TENM3: variants seen among roughly 807,000 people sequenced by gnomAD.
The protein encoded by TENM3 is teneurin-3.
A neutral mutation model predicts 255.1 loss-of-function variants in TENM3; 63 were observed. The ratio of observed to expected loss-of-function variants is 0.25; its 90% CI spans 0.20 to 0.30. TENM3 has a LOEUF of 0.30. TENM3 is among the 10% of genes least tolerant of loss of function. TENM3 has a pLI of 1.00. For synonymous variants in TENM3, 1,306 were observed against 1,322.3 expected, an observed-to-expected ratio of 0.99 and a Z score of 0.27; for missense variants, 2,929 against 3,461.1, an observed-to-expected ratio of 0.85 and a Z score of 3.86.
rs199682582 is a variant in TENM3, at chr4:182,792,498, A to G, written c.5826A>G (p.Thr1942=). The change falls in exon 26 of 28, where the codon ACA becomes ACG. Residue 1942 remains threonine, a synonymous_variant. Coordinates refer to ENST00000511685, the MANE Select transcript of TENM3 (RefSeq NM_001080477.4). The surrounding 1 kb of genome is among the most constrained non-coding windows in gnomAD (Gnocchi z 6.3). Reference sequence around the variant, plus strand: ...TTCTACAAACAGCTTTCTTGGGTACAAGTCGGAGGGTCTTATTCAAATACA... The same window carrying G: ...TTCTACAAACAGCTTTCTTGGGTACGAGTCGGAGGGTCTTATTCAAATACA... ...GLLLQTAFLG[T]SRRVLFKYRR... The G allele has an allele frequency of 2.8e-4, 450 of 1,614,038 alleles. No homozygotes were observed. The East Asian group carries it at 9.3e-3, about 33-fold the overall frequency.
chr4:181,891,946 C>T, the TENM3 span, among the ~76,000 whole-genome samples: 11 of 152,122 alleles, frequency 7.2e-5, no homozygotes, highest in East Asian at 9.7e-4. Context: ...AGGTACCCTT[C>T]GAAAAGGACT....
chr4:182,047,252 C>A, the TENM3 span, among the ~76,000 whole-genome samples: 1 of 151,998 alleles, frequency 6.6e-6, no homozygotes, highest in Non-Finnish European at 1.5e-5. Context: ...ATAGAAAAAT[C>A]TCCATAAGTA....
At position 182,650,020 on chromosome 4, in the gene TENM3, A is replaced by T. The variant is rs1211632091; in HGVS notation, c.989-3751A>T. Among the ~76,000 whole-genome samples, 3 of 150,616 alleles carry T rather than the reference A, an allele frequency of 2.0e-5. 1 individual carries two copies. The highest frequency in any genetic ancestry group is 7.3e-5 in the African/African-American group (3 of 41,330). On this transcript the variant is annotated intron_variant, in intron 5 of 27. Transcript: ENST00000511685. ...AACTCTCAAACAACCTTAAACTCTC[A>T]ACTAATCTCCACTTTCTTGGATTTA...
chr4:181,605,563 AAAG>A, the TENM3 span, among the ~76,000 whole-genome samples: 1 of 30,450 alleles, frequency 3.3e-5, no homozygotes, highest in African/African-American at 6.7e-5. Context: ...AGAAAGAAAG[AAAG>A]AAAGAGAGAG....
chr4:182,365,840 A>G (rs1356477535), intron 3 of TENM3, among the ~76,000 whole-genome samples: 1 of 152,182 alleles, frequency 6.6e-6, no homozygotes, highest in East Asian at 1.9e-4. Context: ...ATAGCCCACT[A>G]TATCTAGGCT....
At chr4:182,436,384 G>T (rs1350433795) in intron 3 of TENM3, among the ~76,000 whole-genome samples, 4 of 152,336 alleles carry the variant, frequency 2.6e-5, no homozygotes, top group African/African-American at 9.6e-5. Context: ...GCTGCCCTGT[G>T]AGAAGGCAGG....
chr4:182,094,516 G>A, the TENM3 span, among the ~76,000 whole-genome samples: 1 of 152,204 alleles, frequency 6.6e-6, no homozygotes, highest in Non-Finnish European at 1.5e-5. Context: ...AAAGTGCTGG[G>A]ATTACAGGCG....
the TENM3 span, among the ~76,000 whole-genome samples, chr4:181,549,577 T>C: frequency 6.6e-6 from 1 of 152,234 alleles, no homozygotes; most frequent in Non-Finnish European, 1.5e-5. Context: ...GCATGTGTAT[T>C]TTCTTTTCTA....
At chr4:181,569,019 G>GT in the TENM3 span, among the ~76,000 whole-genome samples, 1 of 152,194 alleles carries the variant, frequency 6.6e-6, no homozygotes, top group Non-Finnish European at 1.5e-5. Context: ...TGAATGCAGA[G>GT]TAATAGCAAG....
At chr4:182,667,703 A>G (rs1754819910) in intron 6 of TENM3, among the ~76,000 whole-genome samples, 1 of 151,742 alleles carries the variant, frequency 6.6e-6, no homozygotes, top group Non-Finnish European at 1.5e-5. Flanking sequence ...CTTGGTAGTC[A>G]TGAAATTCTT....
the TENM3 span, among the ~76,000 whole-genome samples, chr4:181,961,429 T>C: frequency 6.6e-6 from 1 of 152,236 alleles, no homozygotes; most frequent in East Asian, 1.9e-4. Flanking sequence ...TTTTTGTTGT[T>C]GTTGTTGTTG....
At chr4:182,143,810 A>G (rs1287728409), upstream of TENM3, 1 of 152,586 alleles carries the variant, frequency 6.6e-6, no homozygotes, top group Non-Finnish European at 1.5e-5. The surrounding 1 kb of genome is among the most constrained non-coding windows in gnomAD (Gnocchi z 4.3). Flanking sequence ...GGCAAGAGCC[A>G]TTCATCAGCG....
chr4:182,227,096 A>C (rs1313750724), intron 1 of TENM3, among the ~76,000 whole-genome samples: 1 of 152,150 alleles, frequency 6.6e-6, no homozygotes, highest in Non-Finnish European at 1.5e-5. Context: ...TTCAGTTACT[A>C]TATAAGACAG....
chr4:181,989,251 C>T, the TENM3 span, among the ~76,000 whole-genome samples: 1 of 151,948 alleles, frequency 6.6e-6, no homozygotes, highest in South Asian at 2.1e-4. Context: ...AGGACAGACA[C>T]TAGAAAAACA....
the TENM3 span, among the ~76,000 whole-genome samples, chr4:181,938,941 C>T: frequency 6.6e-6 from 1 of 152,086 alleles, no homozygotes; most frequent in Non-Finnish European, 1.5e-5. Context: ...GTACATTGTC[C>T]TAGTTTTTTG....
chr4:182,668,980 G>A (rs2152544495), intron 6 of TENM3, among the ~76,000 whole-genome samples: 1 of 152,302 alleles, frequency 6.6e-6, no homozygotes. Flanking sequence ...GTCAACCCAA[G>A]AGAGTAGATT....
chr4:182,709,266 A>T (rs1394417685), intron 12 of TENM3, among the ~76,000 whole-genome samples: 1 of 152,112 alleles, frequency 6.6e-6, no homozygotes, highest in Non-Finnish European at 1.5e-5. Context: ...TACAAGCATA[A>T]GCCACCGCAT....
chr4:181,976,996 G>A, the TENM3 span, among the ~76,000 whole-genome samples: 1 of 152,156 alleles, frequency 6.6e-6, no homozygotes, highest in Non-Finnish European at 1.5e-5. Flanking sequence ...TCTAATTCCA[G>A]CAACACTGCA....
chr4:182,317,139 C>T (rs1762795760), intron 1 of TENM3, among the ~76,000 whole-genome samples: 1 of 152,208 alleles, frequency 6.6e-6, no homozygotes, highest in African/African-American at 2.4e-5. Context: ...CAAAAGTTCT[C>T]TTTGTTTACT....
Sources: gnomAD v4.1 joint callset for allele counts (sites outside exome capture counted in the v4.1 genomes callset) on GRCh38, gnomAD v4.1.1 for gene constraint, Gnocchi (gnomAD v3.1) non-coding constraint, MANE v1.5 for transcripts, NCBI Gene and HGNC (gene_info 2026-07-23, HGNC 2026-07-21) for gene names.